SLC4A5: variants seen among roughly 807,000 people sequenced by gnomAD.
The protein encoded by SLC4A5 is solute carrier family 4 member 5.
In SLC4A5, 96 loss-of-function variants were observed where a neutral mutation model predicts 120.4. That is an observed-to-expected ratio of 0.80 (90% CI 0.68 to 0.94). The LOEUF is 0.94. Among genes scored for constraint, SLC4A5 ranks in the 40% least tolerant of loss-of-function variants. SLC4A5 has a pLI of 0.00. For missense variants in SLC4A5, 1,259 were observed against 1,459.5 expected, an observed-to-expected ratio of 0.86 and a Z score of 2.24; for synonymous variants, 550 against 571.1, an observed-to-expected ratio of 0.96 and a Z score of 0.53.
chr2:74,307,376 C>T, intron 6 of SLC4A5: 1 of 623,478 alleles, frequency 1.6e-6, no homozygotes, highest in South Asian at 1.4e-5. Flanking sequence ...CGTGGTTCTT[C>T]TTCATGAAGA....
rs745547170 is a variant in SLC4A5, at chr2:74,247,096, T to A, written c.1999A>T (p.Met667Leu). The A allele has an allele frequency of 1.9e-6, 3 of 1,613,996 alleles. No individual in the cohort carries two copies. In the African/African-American group the frequency reaches 4.0e-5, roughly 22 times the overall value. ...GTGATGAAGTTTGGCTTGAAGTCCA[T>A]ATTGATAGGGTAGTACTTGAAGGCA... The change falls in exon 19 of 31, where the codon ATG (methionine) becomes TTG (leucine). Residue 667 changes from methionine (M) to leucine (L), a missense_variant. Coordinates refer to ENST00000394019, the Ensembl canonical transcript of SLC4A5.
intron 4 of SLC4A5, among the ~76,000 whole-genome samples, chr2:74,330,169 G>A (rs966201572): frequency 3.0e-4 from 45 of 149,786 alleles, no homozygotes; most frequent in Admixed American, 6.6e-4. Flanking sequence ...TGGAGGTAGC[G>A]AGGTCTAGAT....
rs146077208 is a variant in SLC4A5, at chr2:74,269,077, T to G, written c.402-3813A>C. On this transcript the variant is annotated intron_variant, in intron 8 of 30. Coordinates refer to ENST00000394019, the Ensembl canonical transcript of SLC4A5. ...AGACAAGTTGTAGCTGACCTTTTTG[T>G]GGAGAAATCTGTTTGGGAAATATCA... Among the ~76,000 whole-genome samples the G allele has an allele frequency of 1.8e-3, 277 of 152,350 alleles. 1 individual carries two copies. The highest frequency in any genetic ancestry group is 6.3e-3 in the African/African-American group (261 of 41,578).
intron 27 of SLC4A5, 86 bp downstream of exon 27, chr2:74,226,871 G>A: frequency 6.8e-7 from 1 of 1,460,006 alleles, no homozygotes; most frequent in East Asian, 2.3e-5. Flanking sequence ...GAAGGCAGAA[G>A]GTGGCAGGAG....
chr2:74,230,077 T>C (rs1375044875), intron 25 of SLC4A5, among the ~76,000 whole-genome samples: 1 of 152,026 alleles, frequency 6.6e-6, no homozygotes, highest in Non-Finnish European at 1.5e-5. Context: ...TGGTCTCAAG[T>C]GATCCTCCCA....
At chr2:74,227,491 A>G in intron 26 of SLC4A5, 1 of 1,604,702 alleles carries the variant, frequency 6.2e-7, no homozygotes, top group Non-Finnish European at 8.5e-7. Context: ...CTTAGGGAAG[A>G]GAGAGAGGTA....
chr2:74,272,232 T>C (rs1186213342), intron 8 of SLC4A5, among the ~76,000 whole-genome samples: 1 of 152,174 alleles, frequency 6.6e-6, no homozygotes, highest in Non-Finnish European at 1.5e-5. Context: ...AGAATTGCTA[T>C]GAGTTAGCTG....
chr2:74,289,266 C>A (rs1244373589), intron 7 of SLC4A5, among the ~76,000 whole-genome samples: 4 of 152,160 alleles, frequency 2.6e-5, no homozygotes, highest in Non-Finnish European at 5.9e-5. Context: ...CTATTATCTA[C>A]AGAACTCATG....
At chr2:74,298,834 C>A (rs1672399864) in intron 7 of SLC4A5, among the ~76,000 whole-genome samples, 1 of 152,080 alleles carries the variant, frequency 6.6e-6, no homozygotes, top group African/African-American at 2.4e-5. Flanking sequence ...TAGCTTGATA[C>A]CAGGAGTTCA....
At chr2:74,325,925 GGGGAGGAGGAA>G (rs1416651134) in intron 5 of SLC4A5, among the ~76,000 whole-genome samples, 1 of 151,208 alleles carries the variant, frequency 6.6e-6, no homozygotes, top group Non-Finnish European at 1.5e-5. Flanking sequence ...AAGGAAAGGA[GGGGAGGAGGAA>G]GGGAGAAGGA....
intron 8 of SLC4A5, among the ~76,000 whole-genome samples, chr2:74,280,702 G>C (rs79719185): frequency 7.1e-6 from 1 of 140,402 alleles, no homozygotes; most frequent in African/African-American, 2.7e-5. Flanking sequence ...TTTTTTTTTT[G>C]AGACAGAGTT....
chr2:74,231,146 C>G, intron 25 of SLC4A5, 90 bp downstream of exon 25: 1 of 1,213,738 alleles, frequency 8.2e-7, no homozygotes, highest in Non-Finnish European at 1.2e-6. Context: ...GGCCAGTGAT[C>G]CCTAGCCATG....
chr2:74,230,185 A>G (rs976055210), intron 25 of SLC4A5, among the ~76,000 whole-genome samples: 4 of 152,118 alleles, frequency 2.6e-5, no homozygotes, highest in African/African-American at 9.7e-5. Flanking sequence ...ATATCGGCAA[A>G]AGGTTGAGGC....
intron 7 of SLC4A5, among the ~76,000 whole-genome samples, chr2:74,286,502 TTC>T (rs1321155611): frequency 6.6e-6 from 1 of 152,204 alleles, no homozygotes; most frequent in Non-Finnish European, 1.5e-5. Context: ...TTCACCTGTG[TTC>T]TTTCTCTCTT....
At chr2:74,342,223 G>A (rs961908217) in intron 2 of SLC4A5, among the ~76,000 whole-genome samples, 3 of 152,208 alleles carry the variant, frequency 2.0e-5, no homozygotes, top group African/African-American at 7.2e-5. Flanking sequence ...CATCCTTTGT[G>A]CTAAAGTTAT....
At chr2:74,227,259 C>T in intron 26 of SLC4A5, 129 bp from the exon 27 acceptor site, 1 of 1,108,832 alleles carries the variant, frequency 9.0e-7, no homozygotes, top group Non-Finnish European at 1.3e-6. Flanking sequence ...CTTAAGGATG[C>T]ACGGGAGGGG....
Position 74,227,136 on chromosome 2 carries a change from G to C in SLC4A5, c.2917-6C>G, listed in dbSNP as rs758415424. The stretch of plus-strand genomic sequence containing the variant: ...AGCTTGCAGCGTTCCCAGAACTAGG[G>C]GGACAGCGGGGGCTCAGCCAGGCAG... On this transcript the variant is annotated splice_polypyrimidine_tract_variant and splice_region_variant and intron_variant, in intron 26 of 30. Transcript: ENST00000394019. 11 of 1,601,730 alleles carry C rather than the reference G, an allele frequency of 6.9e-6. No individual in the cohort carries two copies. The highest frequency in any genetic ancestry group is 3.4e-6 in the Non-Finnish European group (4 of 1,174,140).
intron 7 of SLC4A5, among the ~76,000 whole-genome samples, chr2:74,293,595 A>G (rs530454745): frequency 6.6e-6 from 1 of 152,370 alleles, no homozygotes; most frequent in East Asian, 1.9e-4. Flanking sequence ...CTAGAGGCGA[A>G]GCTGTGGGAA....
At chr2:74,288,585 G>A (rs1672059438) in intron 7 of SLC4A5, among the ~76,000 whole-genome samples, 1 of 152,066 alleles carries the variant, frequency 6.6e-6, no homozygotes, top group African/African-American at 2.4e-5. Context: ...CCTCTTGCCT[G>A]GCTAACACTT....
Sources: gnomAD v4.1 joint callset for allele counts (sites outside exome capture counted in the v4.1 genomes callset) on GRCh38, gnomAD v4.1.1 for gene constraint, MANE v1.5 for transcripts, NCBI Gene and HGNC (gene_info 2026-07-23, HGNC 2026-07-21) for gene names.